Variants in ATG7 observed in about 807,000 individuals in gnomAD.
ATG7 encodes the protein autophagy related 7.
Under a neutral mutation model 82.4 loss-of-function variants are expected in ATG7, and 70 were observed. The observed-to-expected ratio is 0.85, with a 90% CI of 0.70 to 1.04. The LOEUF (loss-of-function observed/expected upper bound fraction) is 1.04. ATG7 is among the 50% of genes least tolerant of loss of function. The probability of loss-of-function intolerance (pLI) is 0.00; values close to 1 mark genes in which losing one functional copy is unlikely to be tolerated. For missense variants in ATG7, 792 were observed against 864.3 expected, an observed-to-expected ratio of 0.92 and a Z score of 1.05; for synonymous variants, 287 against 313.0, an observed-to-expected ratio of 0.92 and a Z score of 0.88.
chr3:11,323,181 G>A (rs1329271984), intron 9 of ATG7, among the ~76,000 whole-genome samples: 1 of 152,202 alleles, frequency 6.6e-6, no homozygotes, highest in Non-Finnish European at 1.5e-5. Flanking sequence ...GGTAGGAATA[G>A]TCCTGTTTTT....
chr3:11,552,032 C>A (rs183374678), intron 20 of ATG7, among the ~76,000 whole-genome samples: 3 of 152,194 alleles, frequency 2.0e-5, no homozygotes, highest in Non-Finnish European at 4.4e-5. Flanking sequence ...TACAGGCGTG[C>A]GCCACCACGC....
At chr3:11,442,485 C>T (rs893980677) in intron 20 of ATG7, among the ~76,000 whole-genome samples, 2 of 151,608 alleles carry the variant, frequency 1.3e-5, no homozygotes, top group East Asian at 1.9e-4. Flanking sequence ...GGCCTTTGAA[C>T]GTAAATATCT....
chr3:11,502,722 G>T (rs187220712), intron 20 of ATG7, among the ~76,000 whole-genome samples: 1 of 152,118 alleles, frequency 6.6e-6, no homozygotes, highest in Non-Finnish European at 1.5e-5. Flanking sequence ...GAGAAAGCCA[G>T]TATTTCCCAT....
At chr3:11,452,799 G>T (rs901273576) in intron 20 of ATG7, among the ~76,000 whole-genome samples, 13 of 152,186 alleles carry the variant, frequency 8.5e-5, no homozygotes, top group African/African-American at 2.9e-4. Flanking sequence ...GATAATTATT[G>T]CAGATATTAG....
intron 7 of ATG7, among the ~76,000 whole-genome samples, chr3:11,311,852 G>C (rs73812428): frequency 3.7e-4 from 56 of 151,760 alleles, no homozygotes; most frequent in African/African-American, 1.3e-3. Context: ...AGCAGAATTA[G>C]AGACCGCAGA....
At chr3:11,362,179 C>CT (rs2076326775) in intron 16 of ATG7, among the ~76,000 whole-genome samples, 1 of 152,172 alleles carries the variant, frequency 6.6e-6, no homozygotes. Context: ...AAAAATATCT[C>CT]TAACAACCTC....
chr3:11,446,564 A>G (rs926765517), intron 20 of ATG7: 2 of 426,380 alleles, frequency 4.7e-6, no homozygotes, highest in African/African-American at 4.2e-5. Context: ...ACATCCAATG[A>G]CAGTGTTAAA....
the ATG7 span, among the ~76,000 whole-genome samples, chr3:11,573,194 A>C: frequency 2.0e-5 from 3 of 151,146 alleles, no homozygotes; most frequent in East Asian, 1.9e-4. Flanking sequence ...GACAGACAGA[A>C]AGAAAGAAAA....
chr3:11,518,093 A>G lies in ATG7; in HGVS notation c.2080-36718A>G, dbSNP rs192749780. 2.6e-5 allele frequency among the ~76,000 whole-genome samples: 4 copies of G among 152,324 alleles called. No individual in the cohort carries two copies. In the East Asian group the frequency reaches 7.7e-4, roughly 29 times the overall value. On this transcript the variant is annotated intron_variant, in intron 20 of 20. Coordinates refer to ENST00000693202, the MANE Select transcript of ATG7 (RefSeq NM_001349232.2). ...TGAGTGGGAGAGAGGAAGGGGACCA[A>G]GGTGCTTCCCTGGGGTCTAGTTTAG...
intron 3 of ATG7, chr3:11,290,724 G>A (rs762526282): frequency 6.5e-5 from 13 of 198,564 alleles, no homozygotes; most frequent in South Asian, 2.4e-4. Context: ...CACCCTTGTC[G>A]CCCAGGCTGG....
At chr3:11,464,279 G>A (rs1189072668) in intron 20 of ATG7, among the ~76,000 whole-genome samples, 1 of 152,148 alleles carries the variant, frequency 6.6e-6, no homozygotes, top group East Asian at 1.9e-4. Context: ...GTCTGAGGTG[G>A]GAGGATTGCT....
rs376889147 is a variant in ATG7, at chr3:11,372,308, A to AT, written c.1875+7584dup. On this transcript the variant is annotated intron_variant, in intron 18 of 20. Coordinates refer to ENST00000693202, the MANE Select transcript of ATG7 (RefSeq NM_001349232.2). ...ATTGTAGAGCTAGTTTAGGCGTACA[A>AT]TTTTTTTTTTCTAGACGTTTCTATG... 3.7e-4 allele frequency among the ~76,000 whole-genome samples: 55 copies of AT among 148,932 alleles called. 1 individual carries two copies. The highest frequency in any genetic ancestry group is 1.2e-3 in the African/African-American group (47 of 40,416).
At chr3:11,431,187 A>AG (rs1245046391) in intron 20 of ATG7, among the ~76,000 whole-genome samples, 2 of 152,228 alleles carry the variant, frequency 1.3e-5, no homozygotes, top group African/African-American at 4.8e-5. Flanking sequence ...GGATCACTTG[A>AG]GGTCAGGAGT....
intron 20 of ATG7, among the ~76,000 whole-genome samples, chr3:11,479,634 A>G (rs1432065279): frequency 6.6e-6 from 1 of 152,226 alleles, no homozygotes; most frequent in Non-Finnish European, 1.5e-5. Flanking sequence ...AAGCTATTGG[A>G]TAGCAATTGT....
intron 13 of ATG7, among the ~76,000 whole-genome samples, chr3:11,346,978 T>C (rs756903908): frequency 3.9e-5 from 6 of 152,246 alleles, no homozygotes; most frequent in East Asian, 1.9e-4. Context: ...TGGAAAGATA[T>C]TGAAATAAGA....
intron 14 of ATG7, among the ~76,000 whole-genome samples, chr3:11,357,550 A>G (rs1171073701): frequency 1.3e-5 from 2 of 152,202 alleles, no homozygotes; most frequent in African/African-American, 2.4e-5. Context: ...TTTAAAATGC[A>G]TATACCCCTG....
At chr3:11,418,546 C>T (rs955000877) in intron 19 of ATG7, among the ~76,000 whole-genome samples, 1 of 152,234 alleles carries the variant, frequency 6.6e-6, no homozygotes, top group Admixed American at 6.5e-5. Context: ...CTCCCTATAA[C>T]TAGGTCCCCC....
intron 20 of ATG7, among the ~76,000 whole-genome samples, chr3:11,547,736 T>G (rs1295003091): frequency 6.6e-6 from 1 of 152,266 alleles, no homozygotes; most frequent in African/African-American, 2.4e-5. Context: ...AGTGGTAGCT[T>G]ATGGTTTTGA....
Position 11,549,595 on chromosome 3 carries a change from G to A in ATG7, c.2080-5216G>A, listed in dbSNP as rs568219635. ...CACCCATCAGTAGTTTAATGGCTTA[G>A]GAGTATCCACTGTACGGATACACCA... On this transcript the variant is annotated intron_variant, in intron 20 of 20. Coordinates refer to ENST00000693202, the MANE Select transcript of ATG7 (RefSeq NM_001349232.2). Among the ~76,000 whole-genome samples, 5 of 152,298 alleles carry A rather than the reference G, an allele frequency of 3.3e-5. No individual in the cohort carries two copies. In the South Asian group the frequency reaches 8.3e-4, roughly 25 times the overall value.
Sources: allele counts gnomAD v4.1 joint callset (sites outside exome capture counted in the v4.1 genomes callset), GRCh38; gene constraint gnomAD v4.1.1; transcripts MANE v1.5; gene names NCBI Gene and HGNC (gene_info 2026-07-23, HGNC 2026-07-21).